The following TTLL11 variants were observed in gnomAD, a reference collection of about 807,000 sequenced individuals.
TTLL11 encodes tubulin tyrosine ligase like 11.
TTLL11 carries 42 observed loss-of-function variants against 51.7 expected under a neutral mutation model. That is an observed-to-expected ratio of 0.81 (90% CI 0.64 to 1.05). The LOEUF is 1.05. Ranked by LOEUF, TTLL11 falls within the 50% of genes least tolerant of loss-of-function variation. The pLI, the probability that TTLL11 is intolerant of heterozygous loss-of-function variation, is 0.00. For missense variants in TTLL11, 799 were observed against 940.4 expected, an observed-to-expected ratio of 0.85 and a Z score of 1.97; for synonymous variants, 381 against 383.5, an observed-to-expected ratio of 0.99 and a Z score of 0.08.
chr9:121,826,527 A>ATG (rs1201618732), intron 8 of TTLL11, among the ~76,000 whole-genome samples: 10 of 47,834 alleles, frequency 2.1e-4, no homozygotes, highest in East Asian at 1.0e-3. Context: ...ATATATATAT[A>ATG]TGTGTGTGTG....
At chr9:121,850,622 T>C (rs1000054477) in intron 8 of TTLL11, among the ~76,000 whole-genome samples, 7 of 152,132 alleles carry the variant, frequency 4.6e-5, no homozygotes, top group Admixed American at 4.6e-4. Flanking sequence ...GTTGCTGTTG[T>C]TCTATTTGGG....
chr9:121,975,119 TG>T, intron 4 of TTLL11, 140 bp from the exon 5 acceptor site: 1 of 575,738 alleles, frequency 1.7e-6, no homozygotes, highest in South Asian at 2.7e-5. Flanking sequence ...CCTCTTCCTC[TG>T]GGGGTACTTG....
intron 6 of TTLL11, among the ~76,000 whole-genome samples, chr9:121,878,451 C>A (rs1217613269): frequency 1.3e-5 from 2 of 152,178 alleles, no homozygotes; most frequent in African/African-American, 4.8e-5. Flanking sequence ...TATGAATTAA[C>A]AAAGGACCCC....
chr9:121,979,808 T>C (rs2131670360), intron 4 of TTLL11, among the ~76,000 whole-genome samples: 1 of 152,188 alleles, frequency 6.6e-6, no homozygotes, highest in Admixed American at 6.5e-5. Flanking sequence ...TACAAATTGC[T>C]CTATGGCCTG....
At chr9:122,060,610 G>C (rs531537308) in intron 1 of TTLL11, among the ~76,000 whole-genome samples, 1 of 152,286 alleles carries the variant, frequency 6.6e-6, no homozygotes, top group South Asian at 2.1e-4. Context: ...AAGAACACAG[G>C]AATCAGATCT....
At chr9:121,954,936 A>C (rs1841975425) in intron 6 of TTLL11, among the ~76,000 whole-genome samples, 1 of 152,224 alleles carries the variant, frequency 6.6e-6, no homozygotes, top group Non-Finnish European at 1.5e-5. Context: ...TCTAGAGATA[A>C]ACAGACCACA....
At chr9:121,884,526 G>A (rs1044403637) in intron 6 of TTLL11, 7 of 152,470 alleles carry the variant, frequency 4.6e-5, no homozygotes, top group African/African-American at 9.7e-5. Flanking sequence ...GGTGGTCCAG[G>A]GATGAGGGGC....
chr9:121,841,888 G>A (rs1271290796), intron 8 of TTLL11, among the ~76,000 whole-genome samples: 1 of 152,000 alleles, frequency 6.6e-6, no homozygotes, highest in East Asian at 1.9e-4. Context: ...CCCCCTGGGA[G>A]TTAAAATTGT....
intron 1 of TTLL11, among the ~76,000 whole-genome samples, chr9:122,046,978 C>T (rs1381176965): frequency 2.6e-5 from 4 of 152,158 alleles, no homozygotes; most frequent in African/African-American, 9.7e-5. Flanking sequence ...TGTCTGCCTT[C>T]GGAGTATATG....
chr9:122,083,674 G>T (rs1057021791), intron 1 of TTLL11, among the ~76,000 whole-genome samples: 12 of 152,108 alleles, frequency 7.9e-5, no homozygotes, highest in Admixed American at 7.9e-4. Context: ...GCCAGGTGTG[G>T]TGGCATGCAC....
At chr9:121,980,202 T>C (rs1035833817) in intron 4 of TTLL11, among the ~76,000 whole-genome samples, 10 of 152,110 alleles carry the variant, frequency 6.6e-5, no homozygotes, top group Non-Finnish European at 1.5e-4. Flanking sequence ...TCATTTTTTT[T>C]CACAGCAAAA....
At chr9:121,911,549 A>G (rs1376590204) in intron 6 of TTLL11, among the ~76,000 whole-genome samples, 4 of 152,228 alleles carry the variant, frequency 2.6e-5, no homozygotes, top group African/African-American at 9.6e-5. Flanking sequence ...ATGCCCATCA[A>G]TGTTAGACTG....
intron 6 of TTLL11, among the ~76,000 whole-genome samples, chr9:121,874,756 ATTT>A (rs35998915): frequency 2.2e-5 from 3 of 137,546 alleles, no homozygotes; most frequent in Non-Finnish European, 3.2e-5. Context: ...CAGAGGCATA[ATTT>A]TTTTTTTTTT....
intron 3 of TTLL11, among the ~76,000 whole-genome samples, chr9:122,013,294 C>A (rs551055875): frequency 6.6e-6 from 1 of 152,132 alleles, no homozygotes; most frequent in Non-Finnish European, 1.5e-5. Context: ...TGAGAGAGTA[C>A]AGGATTGGGA....
At chr9:121,900,634 T>C (rs1839740964) in intron 6 of TTLL11, among the ~76,000 whole-genome samples, 1 of 152,204 alleles carries the variant, frequency 6.6e-6, no homozygotes, top group Non-Finnish European at 1.5e-5. Flanking sequence ...ATGACCTTCT[T>C]ATTCTATCCT....
At chr9:122,071,761 T>C (rs73662582) in intron 1 of TTLL11, among the ~76,000 whole-genome samples, 2,618 of 152,188 alleles carry the variant, frequency 0.017, 59 homozygotes, top group African/African-American at 0.06. Context: ...ACTCAGAGGG[T>C]TGCGGGAGAC....
intron 8 of TTLL11, among the ~76,000 whole-genome samples, chr9:121,856,639 G>C (rs1324563902): frequency 6.6e-6 from 1 of 152,164 alleles, no homozygotes; most frequent in African/African-American, 2.4e-5. Flanking sequence ...CTAGCTGTTA[G>C]TTGAATGGAT....
chr9:122,087,978 T>C (rs751323032), intron 1 of TTLL11, among the ~76,000 whole-genome samples: 1 of 152,220 alleles, frequency 6.6e-6, no homozygotes, highest in Non-Finnish European at 1.5e-5. Flanking sequence ...TTTAACATTG[T>C]GGACGCAGTT....
At chr9:122,064,330 C>T (rs1845514852) in intron 1 of TTLL11, among the ~76,000 whole-genome samples, 1 of 152,142 alleles carries the variant, frequency 6.6e-6, no homozygotes, top group Non-Finnish European at 1.5e-5. Flanking sequence ...AGGCTAAATT[C>T]TAAAATGTTA....
Sources: gnomAD v4.1 joint callset for allele counts (sites outside exome capture counted in the v4.1 genomes callset) on GRCh38, gnomAD v4.1.1 for gene constraint, MANE v1.5 for transcripts, NCBI Gene and HGNC (gene_info 2026-07-23, HGNC 2026-07-21) for gene names.